Variants in RASAL2 observed in about 807,000 individuals in gnomAD.
RASAL2 encodes the protein ras GTPase-activating protein nGAP.
A neutral mutation model predicts 128.9 loss-of-function variants in RASAL2; 58 were observed. That is an observed-to-expected ratio of 0.45 (90% CI 0.36 to 0.56). The LOEUF (loss-of-function observed/expected upper bound fraction) is 0.56. Ranked by LOEUF, RASAL2 falls within the 20% of genes least tolerant of loss-of-function variation. The probability of loss-of-function intolerance (pLI) is 0.00; values close to 1 mark genes in which losing one functional copy is unlikely to be tolerated. For missense variants in RASAL2, 1,360 were observed against 1,601.6 expected, an observed-to-expected ratio of 0.85 and a Z score of 2.57; for synonymous variants, 561 against 580.8, an observed-to-expected ratio of 0.97 and a Z score of 0.49.
At chr1:178,228,063 A>T (rs1663857669) in intron 1 of RASAL2, among the ~76,000 whole-genome samples, 1 of 152,198 alleles carries the variant, frequency 6.6e-6, no homozygotes, top group Non-Finnish European at 1.5e-5. Context: ...GAGTGATATT[A>T]GGCTTTCGTT....
At chr1:178,242,576 G>T (rs1032799515) in intron 1 of RASAL2, among the ~76,000 whole-genome samples, 1 of 151,684 alleles carries the variant, frequency 6.6e-6, no homozygotes, top group African/African-American at 2.4e-5. Flanking sequence ...GGGATTATAA[G>T]TGTGAGCCAC....
intron 3 of RASAL2, among the ~76,000 whole-genome samples, chr1:178,379,437 GAAGA>G (rs1209890083): frequency 6.6e-6 from 1 of 151,840 alleles, no homozygotes; most frequent in Non-Finnish European, 1.5e-5. Context: ...GGGAAGAAAG[GAAGA>G]GAGAAGAGAG....
intron 4 of RASAL2, among the ~76,000 whole-genome samples, chr1:178,416,321 G>A (rs7530725): frequency 0.18 from 27,163 of 151,736 alleles, 3,041 homozygotes; most frequent in African/African-American, 0.32. Context: ...ATACAACTTC[G>A]TAGATAGTAT....
Position 178,381,790 on chromosome 1 carries a change from GAA to G in RASAL2, c.458-8306_458-8305del, listed in dbSNP as rs561003946. ...AGAATATATTACTAAATCAGTTACA[GAA>G]AAAGTTATATATGAAGCATATTAAT... On this transcript the variant is annotated intron_variant, in intron 3 of 17. Transcript: ENST00000367649. Among the ~76,000 whole-genome samples, 30 of 151,960 alleles carry G rather than the reference GAA, an allele frequency of 2.0e-4. 1 individual carries two copies. The highest frequency in any genetic ancestry group is 6.3e-4 in the African/African-American group (26 of 41,446).
At chr1:178,230,277 A>T (rs1471307433) in intron 1 of RASAL2, among the ~76,000 whole-genome samples, 1 of 152,162 alleles carries the variant, frequency 6.6e-6, no homozygotes, top group East Asian at 1.9e-4. Context: ...AGGTACAAGT[A>T]TATATATTTT....
At chr1:178,400,069 G>A (rs985094562) in intron 4 of RASAL2, among the ~76,000 whole-genome samples, 1 of 152,090 alleles carries the variant, frequency 6.6e-6, no homozygotes, top group African/African-American at 2.4e-5. Context: ...AATGTCTTCA[G>A]ACAGAACTAC....
At chr1:178,325,163 A>T (rs1211588538) in intron 3 of RASAL2, among the ~76,000 whole-genome samples, 1 of 152,194 alleles carries the variant, frequency 6.6e-6, no homozygotes, top group Non-Finnish European at 1.5e-5. Context: ...TCCTTACAAC[A>T]TTCCTATTTT....
intron 1 of RASAL2, among the ~76,000 whole-genome samples, chr1:178,150,480 T>C (rs1162232943): frequency 6.6e-6 from 1 of 152,116 alleles, no homozygotes; most frequent in Non-Finnish European, 1.5e-5. Context: ...TCCACTGCGC[T>C]CTTGGCCTGT....
chr1:178,243,118 A>G (rs1402057174), intron 1 of RASAL2, among the ~76,000 whole-genome samples: 3 of 152,050 alleles, frequency 2.0e-5, no homozygotes, highest in Admixed American at 1.3e-4. Flanking sequence ...TAGATCTTTT[A>G]TTTTAGCAGG....
intron 3 of RASAL2, among the ~76,000 whole-genome samples, chr1:178,371,355 T>TACACACACACACACACACACACAC (rs766584516): frequency 2.3e-5 from 3 of 127,666 alleles, no homozygotes; most frequent in African/African-American, 9.2e-5. Flanking sequence ...CACACACAAA[T>TACACACACACACACACACACACAC]ACACACACAC....
intron 1 of RASAL2, among the ~76,000 whole-genome samples, chr1:178,116,853 G>A (rs139712515): frequency 0.02 from 3,116 of 152,118 alleles, 54 homozygotes; most frequent in East Asian, 0.088. Context: ...CTCGTGATCC[G>A]CCTGCCTCCG....
At chr1:178,262,633 A>G (rs968155879) in intron 1 of RASAL2, among the ~76,000 whole-genome samples, 1 of 152,186 alleles carries the variant, frequency 6.6e-6, no homozygotes, top group African/African-American at 2.4e-5. Flanking sequence ...TGAAACCTGT[A>G]GAGAAATAGA....
Position 178,458,111 on chromosome 1 carries a change from C to G in RASAL2, c.2819C>G (p.Ser940Cys), listed in dbSNP as rs2102911567. 6.2e-7 allele frequency: 1 copy of G among 1,614,204 alleles called. No individual in the cohort carries two copies. Among genetic ancestry groups the G allele is most frequent in the Non-Finnish European group, 8.5e-7 (1 of 1,180,036 alleles). The change falls in exon 14 of 18, where the codon TCT (serine) becomes TGT (cysteine). Residue 940 changes from serine (S) to cysteine (C), a missense_variant. Ser to Cys is a moderately radical substitution (Grantham distance 112). Coordinates refer to ENST00000367649, the MANE Select transcript of RASAL2 (RefSeq NM_170692.4). ...CCAATTCCAGCAATGCCAAAGGCCT[C>G]TATAGATTCCAGTTTGGAGAACCTA... The part of the protein sequence containing the change: ...NNPIPAMPKA[S>C]IDSSLENLST...
intron 1 of RASAL2, among the ~76,000 whole-genome samples, chr1:178,114,666 C>T (rs776503168): frequency 3.9e-5 from 6 of 151,992 alleles, no homozygotes; most frequent in South Asian, 2.1e-4. Flanking sequence ...GGACTACAGG[C>T]GCCCACCACC....
Position 178,462,605 on chromosome 1 carries a change from T to C in RASAL2, c.3253-1673T>C, listed in dbSNP as rs180960543. Among the ~76,000 whole-genome samples the C allele has an allele frequency of 2.1e-3, 320 of 152,310 alleles. 3 individuals are homozygous for C. Among genetic ancestry groups the C allele is most frequent in the African/African-American group, 7.2e-3 (299 of 41,580 alleles). On this transcript the variant is annotated intron_variant, in intron 14 of 17. Transcript: ENST00000367649. ...TTTTATTTATTCTATATTTCTAGCC[T>C]TTTTACAATTTTGTGAAGGCTTTAT...
intron 3 of RASAL2, among the ~76,000 whole-genome samples, chr1:178,364,549 CTAT>C (rs1671302330): frequency 1.3e-5 from 2 of 152,150 alleles, no homozygotes; most frequent in Non-Finnish European, 2.9e-5. Context: ...TACATTTGAT[CTAT>C]TATTATTGTT....
intron 10 of RASAL2, among the ~76,000 whole-genome samples, chr1:178,452,103 T>C (rs994814726): frequency 1.3e-5 from 2 of 152,140 alleles, no homozygotes; most frequent in African/African-American, 4.8e-5. Context: ...AAACAGTCTT[T>C]AGAGAGATTA....
At chr1:178,148,752 A>G (rs1660814443) in intron 1 of RASAL2, among the ~76,000 whole-genome samples, 1 of 152,122 alleles carries the variant, frequency 6.6e-6, no homozygotes, top group Non-Finnish European at 1.5e-5. Context: ...CCCCTTTACC[A>G]TTAACTGAAT....
Position 178,426,302 on chromosome 1 carries a change from G to A in RASAL2, c.674+5682G>A, listed in dbSNP as rs796926429. Among the ~76,000 whole-genome samples the A allele has an allele frequency of 2.0e-5, 3 of 152,164 alleles. No homozygotes were observed. In the East Asian group the frequency reaches 5.8e-4, roughly 29 times the overall value. On this transcript the variant is annotated intron_variant, in intron 5 of 17. Transcript: ENST00000367649. ...AAAAACATGATATACCCGTACAATA[G>A]AATATTCATCAGCAATAAAAAGAGT...
Sources: gnomAD v4.1 joint callset for allele counts (sites outside exome capture counted in the v4.1 genomes callset) on GRCh38, gnomAD v4.1.1 for gene constraint, MANE v1.5 for transcripts, NCBI Gene and HGNC (gene_info 2026-07-23, HGNC 2026-07-21) for gene names.